Variants in GLOD4 observed in about 807,000 individuals in gnomAD.
GLOD4 encodes the protein glyoxalase domain containing 4, also known as glyoxalase domain-containing protein 4.
In GLOD4, 44 loss-of-function variants were observed where a neutral mutation model predicts 39.1. The observed-to-expected ratio is 1.13, with a 90% confidence interval of 0.88 to 1.45. The LOEUF (loss-of-function observed/expected upper bound fraction) is 1.45. Among genes scored for constraint, GLOD4 ranks in the 40% most tolerant of loss-of-function variants. The probability of loss-of-function intolerance (pLI) is 0.00; values close to 1 mark genes in which losing one functional copy is unlikely to be tolerated. For missense variants in GLOD4, 405 were observed against 366.4 expected (o/e 1.11, Z -0.86); for synonymous variants, 145 against 135.0 (o/e 1.07, Z -0.52).
Position 760,123 on chromosome 17 carries a change from ACAGGTGCTGGG to A in GLOD4, c.*39_*49del, listed in dbSNP as rs769263989. 2.9e-6 allele frequency: 3 copies of A among 1,050,626 alleles called. No homozygotes were observed. Among genetic ancestry groups the A allele is most frequent in the Non-Finnish European group, 4.5e-6 (3 of 665,984 alleles). The allele number at this position is 1,050,626 out of a possible 1,614,324, so 65.1% of individuals were successfully genotyped here. A position where few individuals can be genotyped will look rare whatever the true frequency, so the allele number is the denominator to read the frequency against. The stretch of plus-strand genomic sequence containing the variant: ...ATTGGGAACTGACACGTCAGGCCTC[ACAGGTGCTGGG>A]CAGGAATCACAGAGGCTTGCTCTGC... On this transcript the variant is annotated 3_prime_UTR_variant, in exon 9 of 9. Transcript: ENST00000301329.
intron 5 of GLOD4, 49 bp downstream of exon 5, chr17:771,276 T>G: frequency 7.5e-7 from 1 of 1,332,620 alleles, no homozygotes; most frequent in Non-Finnish European, 1.0e-6. Flanking sequence ...AAGCTTCGTT[T>G]ACAAGCCAAA....
chr17:766,315 C>G (rs1906549156), intron 8 of GLOD4, among the ~76,000 whole-genome samples: 1 of 147,954 alleles, frequency 6.8e-6, no homozygotes, highest in Non-Finnish European at 1.5e-5. Flanking sequence ...AAAAAATGGG[C>G]CCAGGCGTGG....
At position 777,065 on chromosome 17, in the gene GLOD4, C is replaced by G. The variant is rs571701603; in HGVS notation, c.141-77G>C. ...GCCACCCCCAGAGAACTACTGGGCA[C>G]AGAGAGATGAGCATTCCTGTCTGGT... On this transcript the variant is annotated intron_variant, in intron 2 of 8. Coordinates refer to ENST00000301329, the MANE Select transcript of GLOD4 (RefSeq NM_016080.4). 9 of 1,363,238 alleles carry G rather than the reference C, an allele frequency of 6.6e-6. No individual in the cohort carries two copies. In the East Asian group the frequency reaches 9.2e-5, roughly 14 times the overall value. The allele number at this position is 1,363,238 out of a possible 1,614,324, so 84.4% of individuals were successfully genotyped here.
intron 8 of GLOD4, 107 bp downstream of exon 8, chr17:769,762 G>A (rs1907599002): frequency 5.3e-6 from 4 of 760,780 alleles, no homozygotes; most frequent in Non-Finnish European, 9.4e-6. Context: ...GAAAGGACGT[G>A]GTTCTGACAT....
chr17:776,354 A>G (rs1476565274), intron 3 of GLOD4, among the ~76,000 whole-genome samples: 1 of 152,238 alleles, frequency 6.6e-6, no homozygotes, highest in African/African-American at 2.4e-5. Flanking sequence ...TGCTTTGAGA[A>G]GACCAGCCTT....
intron 2 of GLOD4, chr17:777,332 A>G (rs756608320): frequency 2.1e-5 from 5 of 241,284 alleles, no homozygotes; most frequent in Non-Finnish European, 4.1e-5. Flanking sequence ...GACTGTTCCA[A>G]CTTGTCACGG....
upstream of GLOD4, chr17:782,527 A>G (rs761360701): frequency 1.2e-6 from 2 of 1,613,702 alleles, no homozygotes; most frequent in Admixed American, 3.3e-5. Flanking sequence ...GTGGTGGAAC[A>G]GAAGCGCGCT....
chr17:771,195 G>T, intron 5 of GLOD4, 130 bp downstream of exon 5: 2 of 607,564 alleles, frequency 3.3e-6, no homozygotes, highest in Non-Finnish European at 5.9e-6. Context: ...TATAAATATT[G>T]AATCACTGTG....
chr17:781,660 G>C (rs1597590883), intron 1 of GLOD4, among the ~76,000 whole-genome samples: 1 of 152,136 alleles, frequency 6.6e-6, no homozygotes, highest in African/African-American at 2.4e-5. Context: ...CAGGACCCGA[G>C]ACAGACCGCT....
At chr17:768,903 CG>C (rs1230887493) in intron 8 of GLOD4, among the ~76,000 whole-genome samples, 1 of 149,504 alleles carries the variant, frequency 6.7e-6, no homozygotes, top group East Asian at 2.0e-4. Flanking sequence ...AGAGAAACAG[CG>C]CGCACTCAGA....
chr17:776,477 A>T (rs1952686264), intron 3 of GLOD4, among the ~76,000 whole-genome samples: 1 of 152,052 alleles, frequency 6.6e-6, no homozygotes, highest in Admixed American at 6.6e-5. Flanking sequence ...CCACCCCCAG[A>T]CTGCAGCCAG....
At chr17:770,623 C>A in intron 5 of GLOD4, 116 bp from the exon 6 acceptor site, 1 of 656,882 alleles carries the variant, frequency 1.5e-6, no homozygotes, top group Non-Finnish European at 2.8e-6. Context: ...GAGTCTCTAT[C>A]CTACTCTCAC....
chr17:769,118 A>T (rs890210331), intron 8 of GLOD4, among the ~76,000 whole-genome samples: 1 of 152,260 alleles, frequency 6.6e-6, no homozygotes, highest in African/African-American at 2.4e-5. Flanking sequence ...AGAGATGATC[A>T]AAGGAGCTGC....
intron 2 of GLOD4, among the ~76,000 whole-genome samples, chr17:777,959 G>A (rs1478802681): frequency 6.6e-6 from 1 of 152,138 alleles, no homozygotes; most frequent in Non-Finnish European, 1.5e-5. Context: ...GAAGGAAAGG[G>A]ATGGAGACTG....
intron 3 of GLOD4, among the ~76,000 whole-genome samples, chr17:776,556 C>T (rs183346995): frequency 2.8e-4 from 42 of 152,268 alleles, no homozygotes; most frequent in Non-Finnish European, 4.3e-4. Context: ...CCTAGGAGGC[C>T]CCCTGCAGTC....
At position 770,458 on chromosome 17, in the gene GLOD4, G is replaced by C. The variant is rs1907753249; in HGVS notation, c.593C>G (p.Ala198Gly). 1 of 1,592,850 alleles carries C rather than the reference G, an allele frequency of 6.3e-7. No homozygotes were observed. The highest frequency in any genetic ancestry group is 8.6e-7 in the Non-Finnish European group (1 of 1,160,526). ...GVKGGVDHAA[A>G]FGRIAFSCPQ... The stretch of plus-strand genomic sequence containing the variant: ...GCAAGAGAAGGCAATTCTTCCAAAA[G>C]CTGCTGCATGGTCCACCCCACCCTT... Residue 198 changes from alanine (A) to glycine (G), a missense_variant, in exon 6 of 9, where the codon GCT becomes GGT. Transcript: ENST00000301329.
Position 776,858 on chromosome 17 carries a change from C to T in GLOD4, c.261+10G>A, listed in dbSNP as rs142209461. 265 of 1,609,628 alleles carry T rather than the reference C, an allele frequency of 1.6e-4. No homozygotes were observed. Among genetic ancestry groups the T allele is most frequent in the Non-Finnish European group, 2.0e-4 (238 of 1,176,036 alleles). On this transcript the variant is annotated intron_variant, in intron 3 of 8. Coordinates refer to ENST00000301329, the MANE Select transcript of GLOD4 (RefSeq NM_016080.4). ...CAGCCAAAACTCTGCTAGAAAAAAA[C>T]GGTATTTACCATAAAGTCATTGCCA...
At chr17:760,714 G>A (rs1468831643) in intron 8 of GLOD4, among the ~76,000 whole-genome samples, 1 of 152,204 alleles carries the variant, frequency 6.6e-6, no homozygotes, top group Non-Finnish European at 1.5e-5. Flanking sequence ...GATGAAGCCT[G>A]GAATGATTCC....
chr17:765,384 G>A (rs1033125361), intron 8 of GLOD4: 1 of 150,900 alleles, frequency 6.6e-6, no homozygotes, highest in African/African-American at 2.4e-5. Flanking sequence ...TCAGGGCAGA[G>A]GTAAGGAGAG....
Sources: gnomAD v4.1 joint callset for allele counts (sites outside exome capture counted in the v4.1 genomes callset) on GRCh38, gnomAD v4.1.1 for gene constraint, MANE v1.5 for transcripts, NCBI Gene and HGNC (gene_info 2026-07-23, HGNC 2026-07-21) for gene names.